The following ALG1L2 variants were observed in gnomAD, a reference collection of about 807,000 sequenced individuals.
ALG1L2 encodes the protein putative glycosyltransferase ALG1L2.
In ALG1L2, 32 loss-of-function variants were observed where a neutral mutation model predicts 29.0. The observed-to-expected ratio is 1.10, with a 90% CI of 0.83 to 1.48. The LOEUF (loss-of-function observed/expected upper bound fraction) is 1.48. ALG1L2 is among the 40% of genes most tolerant of loss of function. ALG1L2 has a pLI of 0.00. For missense variants in ALG1L2, 318 were observed against 274.1 expected, an observed-to-expected ratio of 1.16 and a Z score of -1.13; for synonymous variants, 110 against 109.5, an observed-to-expected ratio of 1.00 and a Z score of -0.03.
At chr3:130,094,055 C>A (rs1239113970) in intron 4 of ALG1L2, 2 of 315,708 alleles carry the variant, frequency 6.3e-6, no homozygotes, top group Non-Finnish European at 1.2e-5. Flanking sequence ...GGGGCTGTGC[C>A]AGGGCAGAGG....
intron 1 of ALG1L2, among the ~76,000 whole-genome samples, chr3:130,087,322 T>A (rs193232910): frequency 6.3e-3 from 935 of 149,378 alleles, no homozygotes; most frequent in African/African-American, 0.021. Flanking sequence ...TTCTATCAAA[T>A]AACCGTCTTG....
rs1047322117 is a variant in ALG1L2, at chr3:130,098,278, T to A, written c.*23T>A. The A allele has an allele frequency of 1.3e-5, 20 of 1,596,458 alleles. No homozygotes were observed. The African/African-American group carries it at 2.7e-4, about 21-fold the overall frequency. ...TGATCCTGAAGGCAAGCTAAACCAG[T>A]TCCGGAAGAACCTGCGGGAGTCGCA... On this transcript the variant is annotated 3_prime_UTR_variant, in exon 8 of 8. Transcript: ENST00000425059.
At position 130,084,755 on chromosome 3, in the gene ALG1L2, T is replaced by C. The variant is rs554981257; in HGVS notation, c.20+2719T>C. Among the ~76,000 whole-genome samples, 6 of 126,682 alleles carry C rather than the reference T, an allele frequency of 4.7e-5. 2 individuals carry two copies. The highest frequency in any genetic ancestry group is 1.7e-4 in the Admixed American group (2 of 11,742). The allele number at this position is 126,682 out of a possible 152,430, so 83.1% of individuals were successfully genotyped here. A position where few individuals can be genotyped will look rare whatever the true frequency, so the allele number is the denominator to read the frequency against. ...AGGGCCAGGCTCCCTCTGAGGATGCTAGGGGAAGGATCTCCCTCCCAGCTT... is the reference window on the plus strand; with the variant it reads ...AGGGCCAGGCTCCCTCTGAGGATGCCAGGGGAAGGATCTCCCTCCCAGCTT... On this transcript the variant is annotated intron_variant, in intron 1 of 7. Coordinates refer to ENST00000425059, the MANE Select transcript of ALG1L2 (RefSeq NM_001136152.1).
chr3:130,088,745 TCCCC>T (rs1934947153), intron 1 of ALG1L2, among the ~76,000 whole-genome samples: 1 of 150,422 alleles, frequency 6.6e-6, no homozygotes, highest in Admixed American at 6.6e-5. Flanking sequence ...AAAGGGGAGC[TCCCC>T]TGCACAACTC....
At chr3:130,088,500 C>T (rs1203242416) in intron 1 of ALG1L2, among the ~76,000 whole-genome samples, 4 of 152,298 alleles carry the variant, frequency 2.6e-5, no homozygotes, top group Non-Finnish European at 4.4e-5. Flanking sequence ...TCACTGCAAC[C>T]TCTGCCTCCT....
At position 130,082,015 on chromosome 3, in the gene ALG1L2, A is replaced by T. The variant is rs2108111869; in HGVS notation, c.-2A>T. ...GAAGTCTGAATTTTAACCTGAAGGG[A>T]CATGGGAGCTACTGCAGGCTGGTAA... On this transcript the variant is annotated 5_prime_UTR_variant, in exon 1 of 8. Transcript: ENST00000425059. 1 of 1,506,188 alleles carries T rather than the reference A, an allele frequency of 6.6e-7. No individual in the cohort carries two copies. Among genetic ancestry groups the T allele is most frequent in the East Asian group, 2.5e-5 (1 of 40,786 alleles). 93.3% of individuals were successfully genotyped at this position (1,506,188 alleles called of 1,614,324 possible).
At position 130,086,380 on chromosome 3, in the gene ALG1L2, G is replaced by A. The variant is rs1209767879; in HGVS notation, c.20+4344G>A. Among the ~76,000 whole-genome samples, 822 of 146,286 alleles carry A rather than the reference G, an allele frequency of 5.6e-3. 12 individuals carry two copies. Among genetic ancestry groups the A allele is most frequent in the South Asian group, 0.013 (59 of 4,560 alleles). On this transcript the variant is annotated intron_variant, in intron 1 of 7. Coordinates refer to ENST00000425059, the MANE Select transcript of ALG1L2 (RefSeq NM_001136152.1). ...GGAAGTCATTAATCCCAAGAGAAAAGACAGAGGTGGGCATGGTGGCTCATG... is the reference window on the plus strand; with the variant it reads ...GGAAGTCATTAATCCCAAGAGAAAAAACAGAGGTGGGCATGGTGGCTCATG...
At chr3:130,097,051 C>T in intron 6 of ALG1L2, 124 bp from the exon 7 acceptor site, 2 of 1,489,374 alleles carry the variant, frequency 1.3e-6, no homozygotes, top group Non-Finnish European at 1.8e-6. Context: ...CTCCCAGAAG[C>T]CACACACCCT....
intron 5 of ALG1L2, among the ~76,000 whole-genome samples, chr3:130,095,106 C>A (rs1935101821): frequency 6.6e-6 from 1 of 152,184 alleles, no homozygotes; most frequent in Admixed American, 6.5e-5. Context: ...TCAGTTCATG[C>A]AACCTCTGCC....
intron 7 of ALG1L2, among the ~76,000 whole-genome samples, chr3:130,097,457 C>G (rs1935168903): frequency 6.6e-6 from 1 of 152,198 alleles, no homozygotes; most frequent in Non-Finnish European, 1.5e-5. Flanking sequence ...GACACAACCC[C>G]ACCTGCCCTC....
At chr3:130,084,296 C>A (rs1352690137) in intron 1 of ALG1L2, among the ~76,000 whole-genome samples, 1 of 133,040 alleles carries the variant, frequency 7.5e-6, no homozygotes, top group Non-Finnish European at 1.8e-5. Flanking sequence ...CATTTCCCCC[C>A]CTCAAAAAAA....
intron 3 of ALG1L2, among the ~76,000 whole-genome samples, chr3:130,092,770 C>A (rs1204795257): frequency 6.6e-6 from 1 of 152,166 alleles, no homozygotes; most frequent in Non-Finnish European, 1.5e-5. Context: ...GTGGCTCACA[C>A]CTGTAATCCT....
intron 1 of ALG1L2, among the ~76,000 whole-genome samples, chr3:130,085,786 A>G (rs1934876899): frequency 6.7e-6 from 1 of 148,984 alleles, no homozygotes; most frequent in Non-Finnish European, 1.5e-5. Context: ...CAAAGGTATG[A>G]GGCAGAGACC....
chr3:130,083,723 C>T (rs114279660), intron 1 of ALG1L2, among the ~76,000 whole-genome samples: 2 of 131,624 alleles, frequency 1.5e-5, no homozygotes, highest in Admixed American at 1.6e-4. Flanking sequence ...GAGACACAGA[C>T]ACCACAGAAG....
In ALG1L2 at chr3:130,096,836, A is replaced by G. The variant is rs141645591; in HGVS notation, c.540-339A>G. 3.4e-3 allele frequency among the ~76,000 whole-genome samples: 515 copies of G among 152,294 alleles called. 3 individuals carry two copies. Among genetic ancestry groups the G allele is most frequent in the African/African-American group, 8.7e-3 (361 of 41,556 alleles). ...AGAAAAGTCATCTTTTATGTGCTGAACCAGTCCCCAGGGGGTTGCCTTTAC... is the reference window on the plus strand; with the variant it reads ...AGAAAAGTCATCTTTTATGTGCTGAGCCAGTCCCCAGGGGGTTGCCTTTAC... On this transcript the variant is annotated intron_variant, in intron 6 of 7. Coordinates refer to ENST00000425059, the MANE Select transcript of ALG1L2 (RefSeq NM_001136152.1).
intron 1 of ALG1L2, among the ~76,000 whole-genome samples, chr3:130,083,817 A>C (rs1222671699): frequency 7.4e-5 from 10 of 134,520 alleles, no homozygotes; most frequent in African/African-American, 2.5e-4. Context: ...TTCATCTTGC[A>C]CTGGGCCTTG....
Position 130,097,186 on chromosome 3 carries a change from T to C in ALG1L2, c.551T>C (p.Leu184Pro), listed in dbSNP as rs1935158574. ...TGTTCTCTCTGCAGTTTACATGAGC[T>C]GGTGAAACATGAAGAAAACCGCCTG... ...CAVNFKCLHE[L>P]VKHEENRLVF... The change falls in exon 7 of 8, where the codon CTG (leucine) becomes CCG (proline). Residue 184 changes from leucine (L) to proline (P), a missense_variant. Transcript: ENST00000425059. The C allele has an allele frequency of 6.2e-7, 1 of 1,611,968 alleles. No individual in the cohort carries two copies. The highest frequency in any genetic ancestry group is 2.2e-5 in the East Asian group (1 of 44,880).
Position 130,096,131 on chromosome 3 carries a change from C to T in ALG1L2, c.507C>T (p.Cys169=), listed in dbSNP as rs1015146643. ...TGAAGGTGGTGGACATGTTCAGGTGCTGTTTGCCTGCGTGTGCCGTGAACT... is the reference window on the plus strand; with the variant it reads ...TGAAGGTGGTGGACATGTTCAGGTGTTGTTTGCCTGCGTGTGCCGTGAACT... The part of the protein sequence containing the change: ...LPMKVVDMFR[C]CLPACAVNFK... The change falls in exon 6 of 8, where the codon TGC becomes TGT. Residue 169 remains cysteine (C), a synonymous_variant. Transcript: ENST00000425059. The T allele has an allele frequency of 1.2e-6, 2 of 1,611,890 alleles. No individual in the cohort carries two copies. Among genetic ancestry groups the T allele is most frequent in the African/African-American group, 1.3e-5 (1 of 74,868 alleles).
intron 1 of ALG1L2, among the ~76,000 whole-genome samples, chr3:130,086,544 G>A (rs1385609992): frequency 6.7e-6 from 1 of 149,316 alleles, no homozygotes; most frequent in Admixed American, 6.7e-5. Flanking sequence ...AGGTGCAGTG[G>A]TGCACACCTG....
Sources: allele counts gnomAD v4.1 joint callset (sites outside exome capture counted in the v4.1 genomes callset), GRCh38; gene constraint gnomAD v4.1.1; transcripts MANE v1.5; gene names NCBI Gene and HGNC (gene_info 2026-07-23, HGNC 2026-07-21).